PHEX: variants seen among roughly 807,000 people sequenced by gnomAD.
The protein encoded by PHEX is phosphate-regulating neutral endopeptidase PHEX.
In PHEX, 16 loss-of-function variants were observed where a neutral mutation model predicts 68.0. The observed-to-expected ratio is 0.24, with a 90% CI of 0.16 to 0.36. The LOEUF (loss-of-function observed/expected upper bound fraction) is 0.36, where lower values mean the gene tolerates loss of function less well. Among genes scored for constraint, PHEX ranks in the 10% least tolerant of loss-of-function variants. The pLI is 1.00. For synonymous variants in PHEX, 208 were observed against 205.1 expected (o/e 1.01, Z -0.12); for missense variants, 480 against 575.5 (o/e 0.83, Z 1.70).
intron 20 of PHEX, among the ~76,000 whole-genome samples, chrX:22,232,369 C>T (rs77263523): frequency 3.7e-5 from 4 of 109,516 alleles, no homozygotes; most frequent in Non-Finnish European, 7.6e-5. Flanking sequence ...GACAGTGGGG[C>T]GTAAAGTCTC....
intron 11 of PHEX, among the ~76,000 whole-genome samples, chrX:22,122,984 AT>A (rs34894623): frequency 0.11 from 7,938 of 72,134 alleles, 608 homozygotes; most frequent in African/African-American, 0.31. Context: ...TAGGGTCTGC[AT>A]TTTTTTTTTT....
At chrX:22,075,248 A>ACTT (rs1929099228) in intron 3 of PHEX, among the ~76,000 whole-genome samples, 1 of 103,743 alleles carries the variant, frequency 9.6e-6, no homozygotes, top group Non-Finnish European at 2.0e-5. Context: ...AGGTACAGGT[A>ACTT]CTTATTTTTA....
intron 12 of PHEX, among the ~76,000 whole-genome samples, chrX:22,163,780 C>T (rs1472493008): frequency 8.9e-6 from 1 of 112,149 alleles, no homozygotes; most frequent in Admixed American, 9.5e-5. Context: ...GCCCTTCAAG[C>T]CATCAAACTA....
intron 15 of PHEX, among the ~76,000 whole-genome samples, chrX:22,204,638 C>T (rs906207421): frequency 8.9e-6 from 1 of 111,747 alleles, no homozygotes; most frequent in African/African-American, 3.3e-5. Flanking sequence ...ATAGAAATTG[C>T]ATCATCATAA....
intron 13 of PHEX, among the ~76,000 whole-genome samples, chrX:22,176,013 G>A (rs747975030): frequency 9.0e-6 from 1 of 111,543 alleles, no homozygotes; most frequent in East Asian, 2.8e-4. Flanking sequence ...AGGATTGCTA[G>A]TAAGGTTGCT....
chrX:22,213,078 G>A (rs954069249), intron 16 of PHEX, 120 bp downstream of exon 16: 24 of 597,881 alleles, frequency 4.0e-5, no homozygotes, highest in East Asian at 3.6e-4. Flanking sequence ...GGAATCTGGC[G>A]TGGGTCGCCT....
chrX:22,247,870 A>T lies in PHEX; in HGVS notation c.2167A>T (p.Asn723Tyr). 8.3e-7 allele frequency: 1 copy of T among 1,205,366 alleles called. No homozygotes were observed. The change falls in exon 22 of 22, where the codon AAC (asparagine) becomes TAC (tyrosine). Residue 723 changes from asparagine to tyrosine, a missense_variant. Transcript: ENST00000379374. ...TTTCAGGGTCAATGGTGCAATTAGT[A>T]ACTTTGAAGAATTCCAGAAAGCTTT... ...PQFRVNGAIS[N>Y]FEEFQKAFNC... is the part of the protein sequence containing the mutation.
intron 15 of PHEX, among the ~76,000 whole-genome samples, chrX:22,191,726 C>G (rs908820093): frequency 8.9e-6 from 1 of 112,080 alleles, no homozygotes; most frequent in African/African-American, 3.2e-5. Flanking sequence ...CTAGAGAACT[C>G]TTGCACAAGG....
intron 11 of PHEX, among the ~76,000 whole-genome samples, chrX:22,131,852 G>A (rs772408133): frequency 9.0e-6 from 1 of 111,004 alleles, no homozygotes; most frequent in Non-Finnish European, 1.9e-5. Flanking sequence ...CTCTGCAGGA[G>A]AACTGGATTT....
chrX:22,221,920 G>A, intron 18 of PHEX, among the ~76,000 whole-genome samples, 177 bp downstream of exon 18: 1 of 112,005 alleles, frequency 8.9e-6, no homozygotes, highest in East Asian at 2.8e-4. Flanking sequence ...CTTTGGGGTT[G>A]GGGCCTGGTC....
Position 22,152,459 on chromosome X carries a change from T to G in PHEX, c.1405-15853T>G, listed in dbSNP as rs6633524. ...GGCCCTTCCCTTCCCATCCATTCCA[T>G]CTGACCCTCTACCTTCTTCTGTTGT... On this transcript the variant is annotated intron_variant, in intron 12 of 21. Coordinates refer to ENST00000379374, the MANE Select transcript of PHEX (RefSeq NM_000444.6). 4.5e-5 allele frequency among the ~76,000 whole-genome samples: 5 copies of G among 111,994 alleles called. No homozygotes were observed. In the East Asian group the frequency reaches 1.4e-3, roughly 31 times the overall value.
chrX:22,249,394 G>C lies in PHEX; in HGVS notation c.*1441G>C, dbSNP rs1275206103. 1 of 92,855 alleles carries C rather than the reference G, an allele frequency of 1.1e-5. No homozygotes were observed. Among genetic ancestry groups the C allele is most frequent in the African/African-American group, 4.2e-5 (1 of 23,685 alleles). The allele number at this position is 92,855 out of a possible 1,213,427, so 7.7% of individuals were successfully genotyped here. ...TCTCAAAAGCAAAATGACAAATTCAGATTAACCACAGGAAGCCATTGTGTG... is the reference window on the plus strand; with the variant it reads ...TCTCAAAAGCAAAATGACAAATTCACATTAACCACAGGAAGCCATTGTGTG... On this transcript the variant is annotated 3_prime_UTR_variant, in exon 22 of 22. Transcript: ENST00000379374.
At chrX:22,077,299 G>C (rs1929192148) in intron 4 of PHEX, among the ~76,000 whole-genome samples, 177 bp from the exon 5 acceptor site, 2 of 111,444 alleles carry the variant, frequency 1.8e-5, no homozygotes, top group African/African-American at 6.5e-5. Flanking sequence ...TGGATCGTAG[G>C]TAGTTCTGTC....
At chrX:22,224,185 G>A (rs1345679176) in intron 18 of PHEX, among the ~76,000 whole-genome samples, 1 of 111,501 alleles carries the variant, frequency 9.0e-6, no homozygotes, top group East Asian at 2.8e-4. Flanking sequence ...GTTTCTTCAT[G>A]TTGGCCAGTC....
At chrX:22,152,366 T>A (rs1055217658) in intron 12 of PHEX, among the ~76,000 whole-genome samples, 1 of 111,990 alleles carries the variant, frequency 8.9e-6, no homozygotes, top group Non-Finnish European at 1.9e-5. Context: ...TTTAAAAAAT[T>A]ATGTCTATTG....
At chrX:22,208,160 GC>G (rs1363189001) in intron 15 of PHEX, among the ~76,000 whole-genome samples, 1 of 107,416 alleles carries the variant, frequency 9.3e-6, no homozygotes, top group African/African-American at 3.4e-5. Context: ...TATGTGTAGA[GC>G]CCTTTTTACG....
intron 11 of PHEX, among the ~76,000 whole-genome samples, chrX:22,119,896 C>T (rs780853950): frequency 9.0e-6 from 1 of 110,695 alleles, no homozygotes; most frequent in Non-Finnish European, 1.9e-5. Context: ...CACGCCTGGC[C>T]TTGTTTGATT....
rs760339525 is a variant in PHEX at position 22,250,415 on chromosome X, G to C, written c.*2462G>C. The C allele has an allele frequency of 2.3e-4, 26 of 111,738 alleles. No individual in the cohort carries two copies. The highest frequency in any genetic ancestry group is 3.8e-4 in the Non-Finnish European group (20 of 53,171). The allele number at this position is 111,738 out of a possible 1,213,427, so 9.2% of individuals were successfully genotyped here. On this transcript the variant is annotated 3_prime_UTR_variant, in exon 22 of 22. Coordinates refer to ENST00000379374, the MANE Select transcript of PHEX (RefSeq NM_000444.6). ...CTTGCTAAGCACGTTCAATGGAGGAGAGCCATGAAGTTTTACAAAAATAAT... is the reference window on the plus strand; with the variant it reads ...CTTGCTAAGCACGTTCAATGGAGGACAGCCATGAAGTTTTACAAAAATAAT...
At chrX:22,092,818 C>T (rs1181127162) in intron 6 of PHEX, among the ~76,000 whole-genome samples, 2 of 93,987 alleles carry the variant, frequency 2.1e-5, no homozygotes, top group Non-Finnish European at 4.0e-5. Context: ...GGCATAATCT[C>T]GGCTCACTGC....
Sources: allele counts gnomAD v4.1 joint callset (sites outside exome capture counted in the v4.1 genomes callset), GRCh38; gene constraint gnomAD v4.1.1; transcripts MANE v1.5; gene names NCBI Gene and HGNC (gene_info 2026-07-23, HGNC 2026-07-21).